NUDC: variants seen among roughly 807,000 people sequenced by gnomAD.
NUDC encodes the protein nuclear distribution C, dynein complex regulator.
A neutral mutation model predicts 45.0 loss-of-function variants in NUDC; 14 were observed. The ratio of observed to expected loss-of-function variants is 0.31; its 90% CI spans 0.21 to 0.49. The LOEUF (loss-of-function observed/expected upper bound fraction) is 0.49, where lower values mean the gene tolerates loss of function less well. Ranked by LOEUF, NUDC falls within the 20% of genes least tolerant of loss-of-function variation. The pLI is 0.99. For synonymous variants in NUDC, 153 were observed against 156.7 expected (o/e 0.98, Z 0.17); for missense variants, 323 against 426.2 (o/e 0.76, Z 2.13).
At chr1:26,920,777 A>AAAC (rs975301452), upstream of NUDC, among the ~76,000 whole-genome samples, 16 of 113,160 alleles carry the variant, frequency 1.4e-4, no homozygotes, top group Middle Eastern at 4.0e-3. Context: ...AACAAAAAAC[A>AAAC]AAAAAAAAAA....
upstream of NUDC, among the ~76,000 whole-genome samples, chr1:26,919,068 A>G (rs989792920): frequency 1.4e-5 from 2 of 146,638 alleles, no homozygotes; most frequent in Admixed American, 6.9e-5. Flanking sequence ...ATGAAATACC[A>G]CATCCAGCTA....
Position 26,924,174 on chromosome 1 carries a change from T to C in NUDC, c.159+8T>C. On this transcript the variant is annotated splice_region_variant and intron_variant, in intron 2 of 8. Coordinates refer to ENST00000321265, the MANE Select transcript of NUDC (RefSeq NM_006600.4). Reference sequence around the variant, plus strand: ...GAAGGGATGGCAGAGAAGGTAAGTGTTGGAAACCACTGTCCTTTGGGCGGC... The same window carrying C: ...GAAGGGATGGCAGAGAAGGTAAGTGCTGGAAACCACTGTCCTTTGGGCGGC... 1 of 1,613,420 alleles carries C rather than the reference T, an allele frequency of 6.2e-7. No individual in the cohort carries two copies. Among genetic ancestry groups the C allele is most frequent in the East Asian group, 2.2e-5 (1 of 44,876 alleles).
At chr1:26,911,784 G>A in intron 3 of NUDC, 4 of 1,608,252 alleles carry the variant, frequency 2.5e-6, no homozygotes, top group Non-Finnish European at 3.4e-6. Context: ...TCTGGGGATG[G>A]CCAGGCTGAA....
rs764078736 is a variant in NUDC at position 26,921,875 on chromosome 1, G to A, written c.27G>A (p.Arg9=). 114 of 1,554,992 alleles carry A rather than the reference G, an allele frequency of 7.3e-5. 1 individual carries two copies. Among genetic ancestry groups the A allele is most frequent in the Non-Finnish European group, 9.1e-5 (105 of 1,149,410 alleles). MGGEQEEE[R]FDGMLLAMAQ... ...TGGGCGGAGAGCAGGAGGAGGAGCG[G>A]TTCGACGGCATGTTGCTGGCCATGG... Residue 9 remains arginine, a synonymous_variant, in exon 1 of 9, where the codon CGG becomes CGA. Coordinates refer to ENST00000321265, the MANE Select transcript of NUDC (RefSeq NM_006600.4).
At chr1:26,934,623 A>C (rs979008634) in intron 2 of NUDC, among the ~76,000 whole-genome samples, 1 of 152,168 alleles carries the variant, frequency 6.6e-6, no homozygotes, top group Non-Finnish European at 1.5e-5. Context: ...TGCTGCTGTG[A>C]AGAAATACCC....
intron 2 of NUDC, among the ~76,000 whole-genome samples, chr1:26,908,133 C>T (rs1211600893): frequency 3.3e-5 from 5 of 151,898 alleles, no homozygotes; most frequent in Admixed American, 6.6e-5. Context: ...GAGCCGAGAT[C>T]GCGCCACTGC....
rs766069056 is a variant in NUDC at position 26,942,791 on chromosome 1, C to A, written c.546+15C>A. ...CGGAGCTGGACGTGAGTGTCAGGGACCAGAGGTAAAGCTTAGGGGGCCAGC... is the reference window on the plus strand; with the variant it reads ...CGGAGCTGGACGTGAGTGTCAGGGAACAGAGGTAAAGCTTAGGGGGCCAGC... On this transcript the variant is annotated intron_variant, in intron 5 of 8. Transcript: ENST00000321265. 6.2e-7 allele frequency: 1 copy of A among 1,614,082 alleles called. No individual in the cohort carries two copies. Among genetic ancestry groups the A allele is most frequent in the African/African-American group, 1.3e-5 (1 of 74,934 alleles).
At chr1:26,945,987 A>G (rs1226620337) in intron 8 of NUDC, 143 bp from the exon 9 acceptor site, 1 of 819,012 alleles carries the variant, frequency 1.2e-6, no homozygotes, top group African/African-American at 1.7e-5. Flanking sequence ...AATGCGTCTC[A>G]GATACCCTGG....
chr1:26,913,004 C>T (rs1301754123), intron 3 of NUDC, among the ~76,000 whole-genome samples: 1 of 152,184 alleles, frequency 6.6e-6, no homozygotes, highest in Non-Finnish European at 1.5e-5. Flanking sequence ...GAGGACTGGC[C>T]AAGCACGGTG....
chr1:26,932,986 A>G (rs1163972931), intron 2 of NUDC, among the ~76,000 whole-genome samples: 4 of 151,576 alleles, frequency 2.6e-5, no homozygotes, highest in African/African-American at 9.7e-5. Context: ...TCTTTTTGAG[A>G]CAAGTCTTGC....
intron 2 of NUDC, among the ~76,000 whole-genome samples, chr1:26,939,139 G>A (rs987939347): frequency 6.6e-6 from 1 of 152,106 alleles, no homozygotes; most frequent in Non-Finnish European, 1.5e-5. Context: ...GACTACTGGC[G>A]TGTGCCACCA....
intron 2 of NUDC, among the ~76,000 whole-genome samples, chr1:26,931,377 CT>C (rs796368735): frequency 1.0e-3 from 78 of 76,972 alleles, no homozygotes; most frequent in East Asian, 2.1e-3. Context: ...TGCGCCTGGC[CT>C]TTTTTTTTTT....
chr1:26,921,750 G>A lies in NUDC; in HGVS notation c.-99G>A. The A allele has an allele frequency of 1.5e-6, 2 of 1,300,540 alleles. No individual in the cohort carries two copies. The highest frequency in any genetic ancestry group is 2.5e-5 in the South Asian group (2 of 78,884). 80.6% of individuals were successfully genotyped at this position (1,300,540 alleles called of 1,614,324 possible). ...CGTGTTTCCGGCTCCGCTGCGGAAG[G>A]CGGACGACTAGAGTCGTTGGGCCCG... On this transcript the variant is annotated 5_prime_UTR_variant, in exon 1 of 9. Transcript: ENST00000321265.
intron 3 of NUDC, chr1:26,911,680 A>C: frequency 1.3e-6 from 1 of 792,872 alleles, no homozygotes; most frequent in Non-Finnish European, 2.1e-6. Flanking sequence ...AAACCAAGGA[A>C]GTCCAATGTG....
intron 2 of NUDC, among the ~76,000 whole-genome samples, chr1:26,924,385 G>A (rs1179301121): frequency 6.6e-6 from 1 of 152,114 alleles, no homozygotes; most frequent in Non-Finnish European, 1.5e-5. Flanking sequence ...TACAAGAGGG[G>A]CAGGTGTTAA....
At chr1:26,916,871 C>CT, upstream of NUDC, among the ~76,000 whole-genome samples, 1 of 152,268 alleles carries the variant, frequency 6.6e-6, no homozygotes, top group East Asian at 1.9e-4. Context: ...GGGAGGATTG[C>CT]TTGAATCCAG....
At chr1:26,903,263 G>C (rs982240913) in intron 2 of NUDC, among the ~76,000 whole-genome samples, 5 of 151,924 alleles carry the variant, frequency 3.3e-5, no homozygotes, top group Admixed American at 2.0e-4. Context: ...TATTCTTAGG[G>C]CTACATAAAT....
intron 1 of NUDC, chr1:26,900,419 C>T: frequency 6.2e-7 from 1 of 1,610,456 alleles, no homozygotes; most frequent in Non-Finnish European, 8.5e-7. Flanking sequence ...TCGCCTCCTC[C>T]TCCGCCTCGC....
chr1:26,905,154 ATTATT>A (rs2081997521), intron 2 of NUDC, among the ~76,000 whole-genome samples: 2 of 101,732 alleles, frequency 2.0e-5, no homozygotes, highest in African/African-American at 3.3e-5. Context: ...TATTATTATT[ATTATT>A]TTTTTTTTTT....
Sources: allele counts gnomAD v4.1 joint callset (sites outside exome capture counted in the v4.1 genomes callset), GRCh38; gene constraint gnomAD v4.1.1; transcripts MANE v1.5; gene names NCBI Gene and HGNC (gene_info 2026-07-23, HGNC 2026-07-21).